The following FKBP15 variants were observed in gnomAD, a reference collection of about 807,000 sequenced individuals.
FKBP15 encodes the protein FK506-binding protein 15.
A neutral mutation model predicts 158.1 loss-of-function variants in FKBP15; 106 were observed. The observed-to-expected ratio is 0.67, with a 90% confidence interval of 0.57 to 0.79. FKBP15 has a LOEUF of 0.79. Ranked by LOEUF, FKBP15 falls within the 30% of genes least tolerant of loss-of-function variation. The pLI is 0.00. For missense variants in FKBP15, 1,287 were observed against 1,479.1 expected (o/e 0.87, Z 2.13); for synonymous variants, 547 against 548.6 (o/e 1.00, Z 0.04).
intron 9 of FKBP15, among the ~76,000 whole-genome samples, chr9:113,195,886 GA>G: frequency 6.6e-6 from 1 of 151,778 alleles, no homozygotes; most frequent in South Asian, 2.1e-4. Context: ...CCATTCTACA[GA>G]AAAAAAATCA....
chr9:113,183,913 A>C, intron 17 of FKBP15, 68 bp from the exon 18 acceptor site: 1 of 1,129,656 alleles, frequency 8.9e-7, no homozygotes, highest in Non-Finnish European at 1.3e-6. Context: ...GAAGAGAATC[A>C]ACTTGAACTG....
rs1388291753 is a variant in FKBP15, at chr9:113,172,181, TC to T, written c.2533-476del. On this transcript the variant is annotated intron_variant, in intron 23 of 27. Coordinates refer to ENST00000238256, the MANE Select transcript of FKBP15 (RefSeq NM_015258.2). ...TGTCCCTGCAAAGGACATGAACTCA[TC>T]CTTTTTTATGGCTGCATAGTATTCC... 2.6e-5 allele frequency among the ~76,000 whole-genome samples: 4 copies of T among 152,174 alleles called. No homozygotes were observed. The East Asian group carries it at 7.7e-4, about 29-fold the overall frequency.
At chr9:113,196,866 T>G (rs1349266473) in intron 9 of FKBP15, 66 bp downstream of exon 9, 1 of 1,542,780 alleles carries the variant, frequency 6.5e-7, no homozygotes, top group East Asian at 2.3e-5. Flanking sequence ...TATTTATTCA[T>G]TTTGTGTAAC....
chr9:113,191,888 T>C (rs1830581563), intron 11 of FKBP15, among the ~76,000 whole-genome samples: 1 of 151,834 alleles, frequency 6.6e-6, no homozygotes, highest in African/African-American at 2.4e-5. Flanking sequence ...TAGATCTTGT[T>C]ATATTGTTTT....
Position 113,161,871 on chromosome 9 carries a change from G to C in FKBP15, c.*4207C>G. 1 of 740,656 alleles carries C rather than the reference G, an allele frequency of 1.4e-6. No individual in the cohort carries two copies. The highest frequency in any genetic ancestry group is 2.4e-6 in the Non-Finnish European group (1 of 422,702). The allele number at this position is 740,656 out of a possible 1,614,324, so 45.9% of individuals were successfully genotyped here. ...AAGTGAACTAGAGCTCATGTCTCCT[G>C]ATGCCCAGGCCAAAGCACTCTGTGA... On this transcript the variant is annotated 3_prime_UTR_variant, in exon 28 of 28. Transcript: ENST00000238256.
chr9:113,185,220 C>T (rs1008648263), intron 15 of FKBP15, among the ~76,000 whole-genome samples: 1 of 152,174 alleles, frequency 6.6e-6, no homozygotes, highest in Non-Finnish European at 1.5e-5. Context: ...GACATGTAAA[C>T]AAATCATTAC....
At chr9:113,169,985 A>G in intron 25 of FKBP15, 43 bp from the exon 26 acceptor site, 1 of 1,490,942 alleles carries the variant, frequency 6.7e-7, no homozygotes, top group Non-Finnish European at 8.9e-7. Flanking sequence ...AAAGGAACAC[A>G]GTAGCCACTC....
At chr9:113,189,604 A>G (rs907844567) in intron 12 of FKBP15, among the ~76,000 whole-genome samples, 1 of 152,126 alleles carries the variant, frequency 6.6e-6, no homozygotes, top group African/African-American at 2.4e-5. Context: ...TAAGATGTTA[A>G]ATCTACATAG....
rs767471703 is a variant in FKBP15, at chr9:113,207,289, C to G, written c.177G>C (p.Gln59His). 1 of 1,607,222 alleles carries G rather than the reference C, an allele frequency of 6.2e-7. No individual in the cohort carries two copies. Among genetic ancestry groups the G allele is most frequent in the South Asian group, 1.1e-5 (1 of 90,868 alleles). ...TGGCTGGTGCTGTTTTTGGTGTTGC[C>G]TGATTTCCTGAAGATGAACAAGAAA... The part of the protein sequence containing the change: ...KGQGTAATGN[Q>H]ATPKTAPATM... Residue 59 changes from glutamine (Q) to histidine (H), a missense_variant, in exon 3 of 28, where the codon CAG (glutamine) becomes CAC (histidine). Gln to His is a conservative substitution (Grantham distance 24). Coordinates refer to ENST00000238256, the MANE Select transcript of FKBP15 (RefSeq NM_015258.2).
chr9:113,210,840 C>G (rs1400891067), intron 2 of FKBP15, among the ~76,000 whole-genome samples: 1 of 152,214 alleles, frequency 6.6e-6, no homozygotes, highest in African/African-American at 2.4e-5. Context: ...TTCTCCTGCG[C>G]TGGATGCTTT....
chr9:113,161,825 C>A lies in FKBP15; in HGVS notation c.*4253G>T. Reference sequence around the variant, plus strand: ...AGGCCCAGGGAAGGACCAGGACTTGCCAAAGTGGCTACACATAGCCAAGTG... The same window carrying A: ...AGGCCCAGGGAAGGACCAGGACTTGACAAAGTGGCTACACATAGCCAAGTG... On this transcript the variant is annotated 3_prime_UTR_variant, in exon 28 of 28. Transcript: ENST00000238256. The A allele has an allele frequency of 1.9e-6, 2 of 1,044,118 alleles. No individual in the cohort carries two copies. Among genetic ancestry groups the A allele is most frequent in the Non-Finnish European group, 1.4e-6 (1 of 689,960 alleles). The allele number at this position is 1,044,118 out of a possible 1,614,324, so 64.7% of individuals were successfully genotyped here. A position where few individuals can be genotyped will look rare whatever the true frequency, so the allele number is the denominator to read the frequency against.
intron 20 of FKBP15, 43 bp from the exon 21 acceptor site, chr9:113,176,716 T>C: frequency 6.3e-7 from 1 of 1,594,122 alleles, no homozygotes; most frequent in Non-Finnish European, 8.6e-7. Context: ...GAACCAAAGC[T>C]GTAATGGGCT....
At chr9:113,171,742 A>AACCTGGATT (rs5900041) in intron 23 of FKBP15, 36 bp from the exon 24 acceptor site, 1,207,313 of 1,469,652 alleles carry the variant, frequency 0.82, 498,145 homozygotes, top group East Asian at 0.88. Flanking sequence ...TGGCCTCAGG[A>AACCTGGATT]ACCAGGTGAA....
At chr9:113,206,950 G>T in intron 3 of FKBP15, 1 of 448,736 alleles carries the variant, frequency 2.2e-6, no homozygotes, top group Non-Finnish European at 4.0e-6. Flanking sequence ...TATCATTCAT[G>T]CTATCTCAGT....
chr9:113,177,866 A>G (rs1670705726), intron 20 of FKBP15, among the ~76,000 whole-genome samples: 3 of 152,144 alleles, frequency 2.0e-5, no homozygotes. Flanking sequence ...TCCAATCACC[A>G]TGTCTTGCCA....
In FKBP15 at chr9:113,163,020, C is replaced by T. The variant is rs1830041953; in HGVS notation, c.*3058G>A. On this transcript the variant is annotated 3_prime_UTR_variant, in exon 28 of 28. Transcript: ENST00000238256. ...TTTCTTCTGATGGCTATTCCTCCAC[C>T]TTATTCCCAGCCCCTGGAAACTTTG... is the stretch of plus-strand genomic sequence containing the variant. The T allele has an allele frequency of 2.6e-6, 3 of 1,136,702 alleles. No homozygotes were observed. The highest frequency in any genetic ancestry group is 1.8e-5 in the South Asian group (1 of 56,094). 70.4% of individuals were successfully genotyped at this position (1,136,702 alleles called of 1,614,324 possible).
intron 1 of FKBP15, among the ~76,000 whole-genome samples, chr9:113,214,258 G>T (rs554264746): frequency 1.1e-3 from 162 of 152,342 alleles, no homozygotes; most frequent in African/African-American, 3.6e-3. Flanking sequence ...GCCTCCCAAA[G>T]TTCTGGGATT....
chr9:113,198,234 C>T lies in FKBP15; in HGVS notation c.717+621G>A, dbSNP rs938983812. On this transcript the variant is annotated intron_variant, in intron 8 of 27. Coordinates refer to ENST00000238256, the MANE Select transcript of FKBP15 (RefSeq NM_015258.2). This position sits in a 1 kb window ranked among gnomAD's most constrained non-coding sequence, Gnocchi z 5.2. ...AGATTCAACCCTTTATGATAAGTTT[C>T]GAGAAGAAACTGTCTCACTTTTTCC... 2.9e-4 allele frequency among the ~76,000 whole-genome samples: 44 copies of T among 152,020 alleles called. No individual in the cohort carries two copies. Among genetic ancestry groups the T allele is most frequent in the Non-Finnish European group, 4.9e-4 (33 of 68,026 alleles).
At chr9:113,212,533 T>G (rs1055687447) in intron 1 of FKBP15, among the ~76,000 whole-genome samples, 2 of 152,204 alleles carry the variant, frequency 1.3e-5, no homozygotes, top group African/African-American at 4.8e-5. Flanking sequence ...TTACCAGTCC[T>G]TATTTCACCT....
Sources: gnomAD v4.1 joint callset for allele counts (sites outside exome capture counted in the v4.1 genomes callset) on GRCh38, gnomAD v4.1.1 for gene constraint, Gnocchi (gnomAD v3.1) non-coding constraint, MANE v1.5 for transcripts, NCBI Gene and HGNC (gene_info 2026-07-23, HGNC 2026-07-21) for gene names.